The following TAFA5 variants were observed in gnomAD, a reference collection of about 807,000 sequenced individuals.
TAFA5 encodes the protein chemokine-like protein TAFA-5.
A neutral mutation model predicts 15.3 loss-of-function variants in TAFA5; 6 were observed. The ratio of observed to expected loss-of-function variants is 0.39; its 90% confidence interval spans 0.21 to 0.77. The LOEUF (loss-of-function observed/expected upper bound fraction) is 0.77. Ranked by LOEUF, TAFA5 falls within the 30% of genes least tolerant of loss-of-function variation. The pLI is 0.41. For missense variants in TAFA5, 161 were observed against 193.1 expected (o/e 0.83, Z 0.98); for synonymous variants, 103 against 80.7 (o/e 1.28, Z -1.48).
intron 1 of TAFA5, chr22:48,544,895 C>T (rs979291736): frequency 2.6e-5 from 12 of 467,890 alleles, no homozygotes; most frequent in Non-Finnish European, 5.3e-5. Flanking sequence ...GGGCTGAAGT[C>T]TGCATCTGTC....
intron 2 of TAFA5, among the ~76,000 whole-genome samples, chr22:48,677,181 T>C (rs59909867): frequency 0.034 from 5,123 of 152,356 alleles, 260 homozygotes; most frequent in African/African-American, 0.11. Flanking sequence ...AGCTGCCTTC[T>C]GAGTGCCCGT....
At chr22:48,625,878 ACCATTGAT>A (rs1926009969) in intron 1 of TAFA5, among the ~76,000 whole-genome samples, 2 of 152,138 alleles carry the variant, frequency 1.3e-5, no homozygotes, top group African/African-American at 4.8e-5. Context: ...AACCCCAGCA[ACCATTGAT>A]CCTTTGACTT....
chr22:48,659,399 G>A (rs1222411392), intron 2 of TAFA5, among the ~76,000 whole-genome samples: 1 of 152,244 alleles, frequency 6.6e-6, no homozygotes, highest in East Asian at 1.9e-4. Context: ...GAGGCAGAGA[G>A]GCTGGACCTC....
chr22:48,711,367 C>T (rs949067258), intron 3 of TAFA5, among the ~76,000 whole-genome samples: 4 of 151,770 alleles, frequency 2.6e-5, no homozygotes, highest in South Asian at 2.1e-4. Flanking sequence ...ATGCCTGGGC[C>T]GGTAGATCTC....
At chr22:48,615,425 C>T (rs1386313751) in intron 1 of TAFA5, among the ~76,000 whole-genome samples, 13 of 152,106 alleles carry the variant, frequency 8.5e-5, no homozygotes, top group Admixed American at 6.5e-4. Context: ...CAGGCGTGGC[C>T]GAGGACGCTC....
intron 3 of TAFA5, among the ~76,000 whole-genome samples, chr22:48,711,509 G>A (rs1026080305): frequency 7.9e-5 from 12 of 152,098 alleles, no homozygotes; most frequent in African/African-American, 2.9e-4. Flanking sequence ...GGTGACCTGT[G>A]TTCAAAGCTT....
chr22:48,719,559 G>A (rs1025439281), intron 3 of TAFA5, among the ~76,000 whole-genome samples: 3 of 147,498 alleles, frequency 2.0e-5, no homozygotes, highest in African/African-American at 7.4e-5. Context: ...GTGGTGGGCC[G>A]AGGTGGCCTC....
At chr22:48,585,436 CAT>C (rs1278872123) in intron 1 of TAFA5, among the ~76,000 whole-genome samples, 2 of 147,604 alleles carry the variant, frequency 1.4e-5, no homozygotes, top group Admixed American at 6.7e-5. Context: ...ACATCACACA[CAT>C]GCCACATCCC....
Position 48,736,250 on chromosome 22 carries a change from G to A in TAFA5, c.391-13589G>A, listed in dbSNP as rs148671582. On this transcript the variant is annotated intron_variant, in intron 3 of 3. Transcript: ENST00000402357. ...GGAGGAATGAGAATCGCACTCCTAG[G>A]GTCCCTCCCCGCAGGAGGAATGAGA... 1.1e-4 allele frequency among the ~76,000 whole-genome samples: 5 copies of A among 46,648 alleles called. 1 individual carries two copies. Among genetic ancestry groups the A allele is most frequent in the Non-Finnish European group, 1.7e-4 (4 of 23,388 alleles). The allele number at this position is 46,648 out of a possible 152,430, so 30.6% of individuals were successfully genotyped here.
chr22:48,749,923 C>T lies in TAFA5; in HGVS notation c.*76C>T. 2 of 1,378,864 alleles carry T rather than the reference C, an allele frequency of 1.5e-6. No individual in the cohort carries two copies. The highest frequency in any genetic ancestry group is 1.2e-5 in the South Asian group (1 of 80,634). The allele number at this position is 1,378,864 out of a possible 1,614,324, so 85.4% of individuals were successfully genotyped here. A position where few individuals can be genotyped will look rare whatever the true frequency, so the allele number is the denominator to read the frequency against. ...CCCACGTCTCAGCCACAGTTCTCCA[C>T]TCGCCTCGGACTTCACCCGTTCTCT... On this transcript the variant is annotated 3_prime_UTR_variant, in exon 4 of 4. Transcript: ENST00000402357.
intron 1 of TAFA5, among the ~76,000 whole-genome samples, chr22:48,618,884 C>A (rs1484836861): frequency 6.6e-6 from 1 of 152,188 alleles, no homozygotes; most frequent in African/African-American, 2.4e-5. Context: ...ATAGGCCCCC[C>A]TCGCCTGCAC....
At chr22:48,541,150 A>G (rs1922357586) in intron 1 of TAFA5, among the ~76,000 whole-genome samples, 1 of 152,042 alleles carries the variant, frequency 6.6e-6, no homozygotes, top group Non-Finnish European at 1.5e-5. Context: ...TGTGCACTGG[A>G]CCCAGAGACA....
At chr22:48,724,315 GAC>G (rs1258689138) in intron 3 of TAFA5, among the ~76,000 whole-genome samples, 1 of 152,210 alleles carries the variant, frequency 6.6e-6, no homozygotes, top group African/African-American at 2.4e-5. Context: ...GTTCTCACAG[GAC>G]ACAGGGACAT....
chr22:48,570,590 C>T (rs1352185009), intron 1 of TAFA5, among the ~76,000 whole-genome samples: 1 of 152,216 alleles, frequency 6.6e-6, no homozygotes, highest in East Asian at 1.9e-4. Flanking sequence ...CTTCTTAATT[C>T]ATCACCTCTG....
Position 48,560,720 on chromosome 22 carries a change from C to T in TAFA5, c.112+71016C>T, listed in dbSNP as rs551523512. Among the ~76,000 whole-genome samples, 18 of 152,054 alleles carry T rather than the reference C, an allele frequency of 1.2e-4. No homozygotes were observed. The East Asian group carries it at 2.5e-3, about 21-fold the overall frequency. On this transcript the variant is annotated intron_variant, in intron 1 of 3. Transcript: ENST00000402357. The surrounding 1 kb of genome is among the most constrained non-coding windows in gnomAD (Gnocchi z 4.2). ...GCCTCCCGGGTTCAAGCAATTCTCCCGCCTCAGCTTCCTGAGTAGCTGGGA... is the reference window on the plus strand; with the variant it reads ...GCCTCCCGGGTTCAAGCAATTCTCCTGCCTCAGCTTCCTGAGTAGCTGGGA...
At chr22:48,660,223 G>A (rs1294718902) in intron 2 of TAFA5, among the ~76,000 whole-genome samples, 1 of 152,168 alleles carries the variant, frequency 6.6e-6, no homozygotes, top group Admixed American at 6.5e-5. Flanking sequence ...ATCTCCCAGT[G>A]CCTGGCAAGG....
rs375201477 is a variant in TAFA5 at position 48,499,535 on chromosome 22, CT to C, written c.112+9832del. Among the ~76,000 whole-genome samples, 807 of 152,348 alleles carry C rather than the reference CT, an allele frequency of 5.3e-3. 6 individuals are homozygous for C. The highest frequency in any genetic ancestry group is 0.019 in the African/African-American group (776 of 41,594). Reference sequence around the variant, plus strand: ...TGCCCTTCTGTTCTAGCCGGCTCCCCTGACTCTGGTCCCTGGTTCCTGGTCC... The same window carrying C: ...TGCCCTTCTGTTCTAGCCGGCTCCCCGACTCTGGTCCCTGGTTCCTGGTCC... On this transcript the variant is annotated intron_variant, in intron 1 of 3. Transcript: ENST00000402357.
At chr22:48,626,208 C>T (rs1216243607) in intron 1 of TAFA5, among the ~76,000 whole-genome samples, 9 of 152,280 alleles carry the variant, frequency 5.9e-5, no homozygotes, top group Middle Eastern at 3.4e-3. Context: ...TGGCTAAGTA[C>T]CTAGGAGTGT....
chr22:48,670,104 A>G (rs536533553), intron 2 of TAFA5, among the ~76,000 whole-genome samples: 9 of 152,172 alleles, frequency 5.9e-5, no homozygotes, highest in Non-Finnish European at 1.2e-4. Flanking sequence ...CCCTGGCCTC[A>G]TGTTAGGCGC....
Sources: allele counts gnomAD v4.1 joint callset (sites outside exome capture counted in the v4.1 genomes callset), GRCh38; gene constraint gnomAD v4.1.1; non-coding constraint Gnocchi (gnomAD v3.1); transcripts MANE v1.5; gene names NCBI Gene and HGNC (gene_info 2026-07-23, HGNC 2026-07-21).